Variants in DYNC2H1 observed in about 807,000 individuals in gnomAD.
The protein encoded by DYNC2H1 is dynein cytoplasmic 2 heavy chain 1, also known as cytoplasmic dynein 2 heavy chain 1.
In DYNC2H1, 410 loss-of-function variants were observed where a neutral mutation model predicts 570.0. The ratio of observed to expected loss-of-function variants is 0.72; its 90% CI spans 0.66 to 0.78. The LOEUF (loss-of-function observed/expected upper bound fraction) is 0.78. DYNC2H1 is among the 30% of genes least tolerant of loss of function. DYNC2H1 has a pLI of 0.00. For synonymous variants in DYNC2H1, 1,688 were observed against 1,677.6 expected, an observed-to-expected ratio of 1.01 and a Z score of -0.15; for missense variants, 4,865 against 5,046.4, an observed-to-expected ratio of 0.96 and a Z score of 1.09.
intron 85 of DYNC2H1, among the ~76,000 whole-genome samples, chr11:103,445,952 C>T (rs765964613): frequency 5.9e-5 from 9 of 152,002 alleles, no homozygotes; most frequent in Non-Finnish European, 1.2e-4. Context: ...GTGCGCGGCC[C>T]TTGATTTCAA....
chr11:103,121,129 A>AT, intron 9 of DYNC2H1, 93 bp downstream of exon 9: 4 of 936,226 alleles, frequency 4.3e-6, no homozygotes, highest in Middle Eastern at 3.1e-4. Context: ...TTAAAGATAC[A>AT]TTTTTCTGAC....
At chr11:103,119,473 G>A (rs1288220229) in intron 6 of DYNC2H1, among the ~76,000 whole-genome samples, 10 of 152,102 alleles carry the variant, frequency 6.6e-5, no homozygotes, top group Non-Finnish European at 1.3e-4. Context: ...CTGAGTAGCT[G>A]GGACTACAGG....
intron 48 of DYNC2H1, among the ~76,000 whole-genome samples, chr11:103,198,792 T>A (rs894902053): frequency 2.0e-5 from 3 of 152,144 alleles, no homozygotes; most frequent in Non-Finnish European, 4.4e-5. Context: ...TGTGTTAGCT[T>A]TTGATTCATT....
rs1252601469 is a variant in DYNC2H1, at chr11:103,151,385, A to G, written c.2947-751A>G. Among the ~76,000 whole-genome samples the G allele has an allele frequency of 1.3e-5, 2 of 152,288 alleles. No individual in the cohort carries two copies. Among genetic ancestry groups the G allele is most frequent in the East Asian group, 3.9e-4 (2 of 5,184 alleles). On this transcript the variant is annotated intron_variant, in intron 20 of 88. Coordinates refer to ENST00000375735, the MANE Select transcript of DYNC2H1 (RefSeq NM_001377.3). The surrounding 1 kb of genome is among the most constrained non-coding windows in gnomAD (Gnocchi z 4.6). ...CAGGTGTGAGCTGCCAGGCCTGCCCAATTCAGTTATATTTGAATTTCCTTT... is the reference window on the plus strand; with the variant it reads ...CAGGTGTGAGCTGCCAGGCCTGCCCGATTCAGTTATATTTGAATTTCCTTT...
intron 70 of DYNC2H1, among the ~76,000 whole-genome samples, chr11:103,274,881 G>A (rs1486822178): frequency 6.6e-6 from 1 of 151,922 alleles, no homozygotes; most frequent in African/African-American, 2.4e-5. Context: ...GAAGACCTGA[G>A]GTCAGGAGTT....
At position 103,244,948 on chromosome 11, in the gene DYNC2H1, A is replaced by G. The variant is rs1864556884; in HGVS notation, c.9919-303A>G. Among the ~76,000 whole-genome samples, 1 of 151,544 alleles carries G rather than the reference A, an allele frequency of 6.6e-6. No homozygotes were observed. Among genetic ancestry groups the G allele is most frequent in the Admixed American group, 6.6e-5 (1 of 15,182 alleles). On this transcript the variant is annotated intron_variant, in intron 64 of 88. Coordinates refer to ENST00000375735, the MANE Select transcript of DYNC2H1 (RefSeq NM_001377.3). This position sits in a 1 kb window ranked among gnomAD's most constrained non-coding sequence, Gnocchi z 4.3. ...TTAAAACTACTCCTTCCCTATCTAGAAAGCCTTAAAATTCTTGATTATTGA... is the reference window on the plus strand; with the variant it reads ...TTAAAACTACTCCTTCCCTATCTAGGAAGCCTTAAAATTCTTGATTATTGA...
chr11:103,216,594 C>A (rs902412717), intron 55 of DYNC2H1, among the ~76,000 whole-genome samples: 13 of 152,074 alleles, frequency 8.5e-5, no homozygotes, highest in African/African-American at 3.1e-4. Context: ...AGTTTAAGGA[C>A]CAGCCTGGGC....
At chr11:103,147,920 A>T in intron 19 of DYNC2H1, 33 bp downstream of exon 19, 1 of 1,418,796 alleles carries the variant, frequency 7.0e-7, no homozygotes, top group Non-Finnish European at 9.8e-7. Context: ...ATTTTTACTT[A>T]ATTTGATATG....
chr11:103,364,340 A>G (rs561403768), intron 83 of DYNC2H1, among the ~76,000 whole-genome samples: 39 of 150,876 alleles, frequency 2.6e-4, no homozygotes, highest in Non-Finnish European at 3.1e-4. Flanking sequence ...TTTTTTTTTT[A>G]AGGGCTGGTA....
rs1866215513 is a variant in DYNC2H1 at position 103,283,250 on chromosome 11, C to T, written c.10890+165C>T. Reference sequence around the variant, plus strand: ...GAATTATTGTAATTAGTCCTTTAACCAGTAATTATTAAACCTTTCATTTAT... The same window carrying T: ...GAATTATTGTAATTAGTCCTTTAACTAGTAATTATTAAACCTTTCATTTAT... On this transcript the variant is annotated intron_variant, in intron 73 of 88. Coordinates refer to ENST00000375735, the MANE Select transcript of DYNC2H1 (RefSeq NM_001377.3). Among the ~76,000 whole-genome samples, 2 of 152,072 alleles carry T rather than the reference C, an allele frequency of 1.3e-5. 1 individual carries two copies. Among genetic ancestry groups the T allele is most frequent in the South Asian group, 4.1e-4 (2 of 4,830 alleles).
intron 65 of DYNC2H1, among the ~76,000 whole-genome samples, chr11:103,247,451 G>A (rs1374546276): frequency 6.6e-6 from 1 of 152,014 alleles, no homozygotes; most frequent in African/African-American, 2.4e-5. Flanking sequence ...AATTGCTTCT[G>A]GGTGACCCAA....
At chr11:103,161,384 G>T (rs1250092684) in intron 29 of DYNC2H1, among the ~76,000 whole-genome samples, 1 of 152,110 alleles carries the variant, frequency 6.6e-6, no homozygotes, top group Non-Finnish European at 1.5e-5. Context: ...CTCAGTACAG[G>T]TGGAGTATGT....
rs1944174993 is a variant in DYNC2H1 at position 103,439,263 on chromosome 11, G to A, written c.12456+3231G>A. On this transcript the variant is annotated intron_variant, in intron 85 of 88. Coordinates refer to ENST00000375735, the MANE Select transcript of DYNC2H1 (RefSeq NM_001377.3). This position sits in a 1 kb window ranked among gnomAD's most constrained non-coding sequence, Gnocchi z 4.1. Reference sequence around the variant, plus strand: ...GGAATAAACCAGATGAGGATGAGACGAAAGAATGTATCAGACAGAAGGCAG... The same window carrying A: ...GGAATAAACCAGATGAGGATGAGACAAAAGAATGTATCAGACAGAAGGCAG... 6.6e-6 allele frequency among the ~76,000 whole-genome samples: 1 copy of A among 152,166 alleles called. No homozygotes were observed. The highest frequency in any genetic ancestry group is 1.9e-4 in the East Asian group (1 of 5,168).
At chr11:103,282,889 T>C (rs1866196520) in intron 72 of DYNC2H1, 119 bp from the exon 73 acceptor site, 1 of 697,340 alleles carries the variant, frequency 1.4e-6, no homozygotes, top group East Asian at 3.0e-5. Context: ...CATAAAAATA[T>C]AAAGAAATAA....
At position 103,319,373 on chromosome 11, in the gene DYNC2H1, A is replaced by G. The variant is rs1356297011; in HGVS notation, c.11726-1656A>G. On this transcript the variant is annotated intron_variant, in intron 80 of 88. Coordinates refer to ENST00000375735, the MANE Select transcript of DYNC2H1 (RefSeq NM_001377.3). The surrounding 1 kb of genome is among the most constrained non-coding windows in gnomAD (Gnocchi z 4.3). ...GAAAAAGGTCTAACTCTTGGGAACA[A>G]TTGGTATTGAGAGTAATAGCCATGC... Among the ~76,000 whole-genome samples the G allele has an allele frequency of 6.6e-6, 1 of 152,170 alleles. No homozygotes were observed. The highest frequency in any genetic ancestry group is 2.4e-5 in the African/African-American group (1 of 41,472).
chr11:103,285,828 A>C (rs1457407223), intron 73 of DYNC2H1, among the ~76,000 whole-genome samples: 2 of 152,168 alleles, frequency 1.3e-5, no homozygotes, highest in Non-Finnish European at 2.9e-5. Flanking sequence ...AAAGCCCCTG[A>C]TTGAGGCCTA....
chr11:103,335,465 A>T (rs1026174686), intron 82 of DYNC2H1, among the ~76,000 whole-genome samples: 16 of 113,544 alleles, frequency 1.4e-4, no homozygotes, highest in South Asian at 2.8e-4. Context: ...GGAGAAAAAT[A>T]GGATGTTTGG....
intron 83 of DYNC2H1, among the ~76,000 whole-genome samples, chr11:103,384,838 TTC>T (rs894462343): frequency 2.0e-5 from 3 of 152,150 alleles, no homozygotes; most frequent in South Asian, 4.1e-4. Flanking sequence ...ATCTCAGACA[TTC>T]TGTTTGGTTT....
intron 82 of DYNC2H1, among the ~76,000 whole-genome samples, chr11:103,355,642 T>G (rs988666678): frequency 1.3e-5 from 2 of 152,206 alleles, no homozygotes; most frequent in Non-Finnish European, 2.9e-5. Context: ...TCACTGGTCT[T>G]TGAAATAAGA....
Sources: gnomAD v4.1 joint callset for allele counts (sites outside exome capture counted in the v4.1 genomes callset) on GRCh38, gnomAD v4.1.1 for gene constraint, Gnocchi (gnomAD v3.1) non-coding constraint, MANE v1.5 for transcripts, NCBI Gene and HGNC (gene_info 2026-07-23, HGNC 2026-07-21) for gene names.